Variants in SFTPD observed in about 807,000 individuals in gnomAD.
SFTPD encodes surfactant protein D.
Under a neutral mutation model 34.6 loss-of-function variants are expected in SFTPD, and 18 were observed. The ratio of observed to expected loss-of-function variants is 0.52; its 90% confidence interval spans 0.36 to 0.77. The LOEUF is 0.77. Among genes scored for constraint, SFTPD ranks in the 30% least tolerant of loss-of-function variants. The pLI is 0.00. For missense variants in SFTPD, 433 were observed against 468.9 expected (o/e 0.92, Z 0.71); for synonymous variants, 155 against 180.9 (o/e 0.86, Z 1.15).
chr10:79,975,197 G>C (rs373161253), intron 1 of SFTPD, among the ~76,000 whole-genome samples: 1 of 152,196 alleles, frequency 6.6e-6, no homozygotes, highest in East Asian at 1.9e-4. Context: ...TTTTTGCCCA[G>C]TGTCCTCCGG....
At chr10:79,943,459 G>A (rs1202066192) in intron 2 of SFTPD, among the ~76,000 whole-genome samples, 1 of 152,134 alleles carries the variant, frequency 6.6e-6, no homozygotes, top group African/African-American at 2.4e-5. Context: ...CATCTCATCT[G>A]AGCGTCCCCA....
chr10:79,976,751 C>G (rs1035037777), intron 1 of SFTPD, among the ~76,000 whole-genome samples: 1 of 152,178 alleles, frequency 6.6e-6, no homozygotes, highest in African/African-American at 2.4e-5. Flanking sequence ...GCCTGGCAAC[C>G]ATCCTCTCAG....
chr10:79,981,990 C>A, intron 1 of SFTPD: 1 of 302,836 alleles, frequency 3.3e-6, no homozygotes, highest in Non-Finnish European at 6.1e-6. Flanking sequence ...AGGCCGCCAG[C>A]CTCGCCCACC....
chr10:79,962,406 T>C (rs1204491542), intron 1 of SFTPD, among the ~76,000 whole-genome samples: 2 of 152,184 alleles, frequency 1.3e-5, no homozygotes, highest in Non-Finnish European at 2.9e-5. Context: ...CTGTGCTCTG[T>C]GTATGTAAAT....
At chr10:79,940,872 C>G (rs1259809241) in intron 6 of SFTPD, 84 bp from the exon 7 acceptor site, 8 of 888,080 alleles carry the variant, frequency 9.0e-6, no homozygotes, top group Non-Finnish European at 1.3e-5. Flanking sequence ...GGAAGGGTGT[C>G]TAGTTTCGGG....
intron 1 of SFTPD, among the ~76,000 whole-genome samples, chr10:79,961,738 A>G (rs1407184808): frequency 6.6e-6 from 1 of 152,208 alleles, no homozygotes; most frequent in Non-Finnish European, 1.5e-5. Flanking sequence ...CAGTGTGGTG[A>G]TTCCTCAGGG....
chr10:79,941,379 C>T lies in SFTPD; in HGVS notation c.667+19G>A, dbSNP rs1294508139. On this transcript the variant is annotated intron_variant, in intron 6 of 7. Coordinates refer to ENST00000372292, the MANE Select transcript of SFTPD (RefSeq NM_003019.5). ...CATGCCCCAGCGGGGCTTCCCTGGG[C>T]CAGGAGCTGCTACCTTACCTGGAAG... 6.2e-7 allele frequency: 1 copy of T among 1,606,102 alleles called. No individual in the cohort carries two copies. Among genetic ancestry groups the T allele is most frequent in the Non-Finnish European group, 8.5e-7 (1 of 1,172,804 alleles).
chr10:79,980,773 C>G (rs4520539), intron 1 of SFTPD, among the ~76,000 whole-genome samples: 10,350 of 152,292 alleles, frequency 0.068, 562 homozygotes, highest in South Asian at 0.2. Context: ...TTGGGGTTCC[C>G]CCTATTGTGT....
chr10:79,959,487 C>G (rs916444412), intron 1 of SFTPD, among the ~76,000 whole-genome samples: 1 of 152,172 alleles, frequency 6.6e-6, no homozygotes, highest in African/African-American at 2.4e-5. Context: ...CACAGAAATA[C>G]AAACTACCAT....
chr10:79,947,155 C>A (rs1428763457), intron 1 of SFTPD, among the ~76,000 whole-genome samples: 1 of 152,240 alleles, frequency 6.6e-6, no homozygotes, highest in Non-Finnish European at 1.5e-5. Flanking sequence ...AGCACTGGTG[C>A]TGATAGTGCT....
intron 7 of SFTPD, among the ~76,000 whole-genome samples, chr10:79,938,853 A>G (rs565389472): frequency 3.9e-5 from 6 of 152,326 alleles, no homozygotes; most frequent in African/African-American, 1.2e-4. Flanking sequence ...TAGTATGCAC[A>G]TGGATGATGT....
At chr10:79,966,957 T>G (rs1842806287) in intron 1 of SFTPD, among the ~76,000 whole-genome samples, 1 of 146,392 alleles carries the variant, frequency 6.8e-6, no homozygotes, top group Non-Finnish European at 1.5e-5. Flanking sequence ...GCCAGGGCAA[T>G]CAGGCAGGAG....
chr10:79,965,008 C>A (rs1316868344), intron 1 of SFTPD, among the ~76,000 whole-genome samples: 1 of 152,174 alleles, frequency 6.6e-6, no homozygotes. Context: ...CAAACAGTTT[C>A]TCAGGCTTTT....
intron 6 of SFTPD, 36 bp from the exon 7 acceptor site, chr10:79,940,824 C>T: frequency 7.0e-7 from 1 of 1,421,250 alleles, no homozygotes; most frequent in Non-Finnish European, 9.9e-7. Flanking sequence ...AAGACTTGTC[C>T]AGAGAGCGAA....
chr10:79,968,720 G>C (rs533378941), intron 1 of SFTPD: 3 of 152,288 alleles, frequency 2.0e-5, no homozygotes, highest in Non-Finnish European at 4.4e-5. Flanking sequence ...GGGTCAAAAA[G>C]TAGTTCTAAG....
At chr10:79,949,788 A>G (rs12770776), upstream of SFTPD, among the ~76,000 whole-genome samples, 4,454 of 151,624 alleles carry the variant, frequency 0.029, 93 homozygotes, top group Non-Finnish European at 0.044. Flanking sequence ...TGTCTTGTGC[A>G]CTGTTCTTGT....
intron 1 of SFTPD, among the ~76,000 whole-genome samples, chr10:79,977,391 T>G (rs1842868986): frequency 6.6e-6 from 1 of 152,162 alleles, no homozygotes; most frequent in South Asian, 2.1e-4. Flanking sequence ...CACAGGACAT[T>G]ACTTCTATTA....
Position 79,966,843 on chromosome 10 carries a change from C to T in SFTPD, c.36+15732G>A, listed in dbSNP as rs911576713. On this transcript the variant is annotated intron_variant, in intron 1 of 5. Coordinates refer to the SFTPD transcript ENST00000444384. ...CAGCACCATTTATTAAATAGGGAATCCTTTCCCCATTGCTTGTTTTTCTCA... is the reference window on the plus strand; with the variant it reads ...CAGCACCATTTATTAAATAGGGAATTCTTTCCCCATTGCTTGTTTTTCTCA... 1.4e-5 allele frequency among the ~76,000 whole-genome samples: 2 copies of T among 147,466 alleles called. 1 individual carries two copies. Among genetic ancestry groups the T allele is most frequent in the Non-Finnish European group, 3.0e-5 (2 of 67,688 alleles).
chr10:79,955,484 C>G (rs1185001935), intron 1 of SFTPD, among the ~76,000 whole-genome samples: 21 of 152,128 alleles, frequency 1.4e-4, no homozygotes, highest in Admixed American at 1.4e-3. Context: ...AAAACCCTGC[C>G]ATACCTTATG....
Sources: allele counts gnomAD v4.1 joint callset (sites outside exome capture counted in the v4.1 genomes callset), GRCh38; gene constraint gnomAD v4.1.1; transcripts MANE v1.5; gene names NCBI Gene and HGNC (gene_info 2026-07-23, HGNC 2026-07-21).